The following ARPP21 variants were observed in gnomAD, a reference collection of about 807,000 sequenced individuals.
ARPP21 encodes cAMP regulated phosphoprotein 21.
ARPP21 carries 69 observed loss-of-function variants against 113.2 expected under a neutral mutation model. The observed-to-expected ratio is 0.61, with a 90% CI of 0.50 to 0.74. The LOEUF is 0.74. ARPP21 is among the 30% of genes least tolerant of loss of function. The probability of loss-of-function intolerance (pLI) is 0.00; values close to 1 mark genes in which losing one functional copy is unlikely to be tolerated. For synonymous variants in ARPP21, 368 were observed against 375.5 expected (o/e 0.98, Z 0.23); for missense variants, 1,070 against 1,037.4 (o/e 1.03, Z -0.43).
At chr3:35,773,564 G>A (rs576969602) in intron 19 of ARPP21, among the ~76,000 whole-genome samples, 1 of 152,222 alleles carries the variant, frequency 6.6e-6, no homozygotes, top group African/African-American at 2.4e-5. Flanking sequence ...GTCTAGTCAT[G>A]GATAGTAGGT....
chr3:35,681,092 G>C (rs2149456373), intron 2 of ARPP21: 1 of 151,968 alleles, frequency 6.6e-6, no homozygotes, highest in Non-Finnish European at 1.5e-5. Context: ...GAGCTTGGGA[G>C]CTCGGGAGCT....
intron 1 of ARPP21, among the ~76,000 whole-genome samples, chr3:35,674,597 T>A (rs923221619): frequency 4.6e-5 from 7 of 151,900 alleles, no homozygotes; most frequent in Non-Finnish European, 8.8e-5. Flanking sequence ...TCTATGTGGC[T>A]TTTGGAAAGA....
At chr3:35,647,082 ACCCTT>A (rs2148916102) in intron 1 of ARPP21, among the ~76,000 whole-genome samples, 1 of 152,302 alleles carries the variant, frequency 6.6e-6, no homozygotes, top group South Asian at 2.1e-4. Context: ...CTATCTGCTT[ACCCTT>A]AGCATTGTTA....
intron 19 of ARPP21, among the ~76,000 whole-genome samples, chr3:35,764,345 G>T (rs2095877654): frequency 6.6e-6 from 1 of 152,066 alleles, no homozygotes; most frequent in African/African-American, 2.4e-5. Context: ...TATTATCATG[G>T]CTTTGATTTC....
chr3:35,776,641 G>T (rs986350435), intron 19 of ARPP21, among the ~76,000 whole-genome samples: 2 of 152,138 alleles, frequency 1.3e-5, no homozygotes, highest in East Asian at 3.9e-4. Flanking sequence ...GCATAGCTTT[G>T]ATTAGGAGAC....
intron 4 of ARPP21, among the ~76,000 whole-genome samples, 189 bp from the exon 5 acceptor site, chr3:35,683,537 T>C (rs1323355790): frequency 2.0e-5 from 3 of 151,770 alleles, no homozygotes; most frequent in African/African-American, 7.2e-5. Flanking sequence ...TTTACTTCTA[T>C]CCCCATCAAT....
chr3:35,754,878 T>C (rs892564881), intron 19 of ARPP21, among the ~76,000 whole-genome samples: 7 of 152,000 alleles, frequency 4.6e-5, no homozygotes, highest in Admixed American at 3.9e-4. Flanking sequence ...AGACAAATTA[T>C]AGCATTATCT....
At chr3:35,704,344 T>C (rs555451853) in intron 9 of ARPP21, among the ~76,000 whole-genome samples, 13 of 151,890 alleles carry the variant, frequency 8.6e-5, no homozygotes, top group Admixed American at 8.5e-4. Context: ...TTTTTCCAAA[T>C]ATATGAAAAA....
At chr3:35,777,336 G>A (rs1487504018) in intron 19 of ARPP21, among the ~76,000 whole-genome samples, 1 of 152,166 alleles carries the variant, frequency 6.6e-6, no homozygotes, top group Non-Finnish European at 1.5e-5. Flanking sequence ...CTGGGAAAGT[G>A]GGAATTAACT....
Position 35,675,872 on chromosome 3 carries a change from A to G in ARPP21, c.-212-3915A>G, listed in dbSNP as rs1344146954. Among the ~76,000 whole-genome samples the G allele has an allele frequency of 2.0e-5, 3 of 151,824 alleles. No individual in the cohort carries two copies. In the East Asian group the frequency reaches 5.8e-4, roughly 30 times the overall value. Reference sequence around the variant, plus strand: ...TAGGTACTGGTGTGAGTCAAGTACTAACCATGGAATGTTACATCCACAGAA... The same window carrying G: ...TAGGTACTGGTGTGAGTCAAGTACTGACCATGGAATGTTACATCCACAGAA... On this transcript the variant is annotated intron_variant, in intron 1 of 20. Coordinates refer to ENST00000684406, the MANE Select transcript of ARPP21 (RefSeq NM_001385562.1).
chr3:35,656,784 GC>G (rs2149077275), intron 1 of ARPP21, among the ~76,000 whole-genome samples: 1 of 151,968 alleles, frequency 6.6e-6, no homozygotes, highest in African/African-American at 2.4e-5. Flanking sequence ...AAACCATACA[GC>G]CCCTAAAAAA....
intron 1 of ARPP21, chr3:35,640,953 T>C (rs986193090): frequency 2.0e-5 from 3 of 152,200 alleles, no homozygotes; most frequent in Admixed American, 1.3e-4. Context: ...GGAATAGGAA[T>C]TAACTCATTC....
intron 3 of ARPP21, among the ~76,000 whole-genome samples, 199 bp from the exon 4 acceptor site, chr3:35,682,648 GT>G (rs1376893652): frequency 2.3e-4 from 35 of 151,838 alleles, no homozygotes; most frequent in Non-Finnish European, 1.9e-4. Context: ...CTAAAAGTTA[GT>G]CAAAAGTTTT....
chr3:35,777,721 A>C (rs2096412525), intron 19 of ARPP21, among the ~76,000 whole-genome samples: 1 of 152,136 alleles, frequency 6.6e-6, no homozygotes, highest in Admixed American at 6.6e-5. Context: ...GTCTTCACCC[A>C]TTGTTATCTA....
intron 1 of ARPP21, among the ~76,000 whole-genome samples, chr3:35,654,830 A>G (rs963223036): frequency 2.0e-5 from 3 of 152,134 alleles, no homozygotes; most frequent in African/African-American, 7.2e-5. Flanking sequence ...AAACATGTTT[A>G]TTAATTATTT....
At chr3:35,693,997 AC>A (rs1235492800) in intron 9 of ARPP21, among the ~76,000 whole-genome samples, 1 of 151,512 alleles carries the variant, frequency 6.6e-6, no homozygotes. Context: ...GGGAAAAAAA[AC>A]TTCCTTTTAT....
At chr3:35,693,339 T>C (rs1226174472) in intron 9 of ARPP21, among the ~76,000 whole-genome samples, 4 of 151,704 alleles carry the variant, frequency 2.6e-5, no homozygotes, top group Admixed American at 2.6e-4. Flanking sequence ...ATAGCTGTCA[T>C]GTTCTACTGT....
At chr3:35,666,128 A>G (rs2074309597) in intron 1 of ARPP21, among the ~76,000 whole-genome samples, 2 of 152,070 alleles carry the variant, frequency 1.3e-5, no homozygotes, top group Non-Finnish European at 2.9e-5. Flanking sequence ...ATATACTGAG[A>G]ATGATACAAA....
chr3:35,743,376 A>T (rs1469739592), intron 18 of ARPP21, among the ~76,000 whole-genome samples: 1 of 152,194 alleles, frequency 6.6e-6, no homozygotes, highest in Non-Finnish European at 1.5e-5. Flanking sequence ...TTTATCACAG[A>T]TGGCTCATCT....
Sources: gnomAD v4.1 joint callset for allele counts (sites outside exome capture counted in the v4.1 genomes callset) on GRCh38, gnomAD v4.1.1 for gene constraint, MANE v1.5 for transcripts, NCBI Gene and HGNC (gene_info 2026-07-23, HGNC 2026-07-21) for gene names.